TFAP2E: variants seen among roughly 807,000 people sequenced by gnomAD.
TFAP2E encodes transcription factor AP-2-epsilon.
Under a neutral mutation model 37.9 loss-of-function variants are expected in TFAP2E, and 30 were observed. The observed-to-expected ratio is 0.79, with a 90% confidence interval of 0.59 to 1.07. The LOEUF is 1.07. Among genes scored for constraint, TFAP2E ranks in the 50% least tolerant of loss-of-function variants. The pLI is 0.00. For synonymous variants in TFAP2E, 318 were observed against 295.8 expected (o/e 1.08, Z -0.77); for missense variants, 567 against 637.9 (o/e 0.89, Z 1.20).
At position 35,594,920 on chromosome 1, in the gene TFAP2E, T is replaced by C. The variant is rs1649789011; in HGVS notation, c.*244T>C. ...ATGTGTGCAATTTTCTGACCTTTGA[T>C]GGTTGAGAAGGGTTTGGACAGAAAA... On this transcript the variant is annotated 3_prime_UTR_variant, in exon 7 of 7. Coordinates refer to ENST00000373235, the MANE Select transcript of TFAP2E (RefSeq NM_178548.4). 3 of 575,922 alleles carry C rather than the reference T, an allele frequency of 5.2e-6. No individual in the cohort carries two copies. Among genetic ancestry groups the C allele is most frequent in the South Asian group, 2.3e-5 (1 of 44,082 alleles). 35.7% of individuals were successfully genotyped at this position (575,922 alleles called of 1,614,324 possible).
chr1:35,573,440 A>AGCC lies in TFAP2E; in HGVS notation c.-138_-137insGCC. 1 of 1,197,312 alleles carries AGCC rather than the reference A, an allele frequency of 8.4e-7. No homozygotes were observed. The highest frequency in any genetic ancestry group is 1.1e-6 in the Non-Finnish European group (1 of 913,886). 74.2% of individuals were successfully genotyped at this position (1,197,312 alleles called of 1,614,324 possible). A position where few individuals can be genotyped will look rare whatever the true frequency, so the allele number is the denominator to read the frequency against. ...CGCTGAGGACCCCACGCCCACTAGG[A>AGCC]TCCCGGCTGGGTCGCACCCAGCTAC... On this transcript the variant is annotated 5_prime_UTR_variant, in exon 1 of 7. Coordinates refer to ENST00000373235, the MANE Select transcript of TFAP2E (RefSeq NM_178548.4). This position sits in a 1 kb window ranked among gnomAD's most constrained non-coding sequence, Gnocchi z 5.9.
At position 35,573,662 on chromosome 1, in the gene TFAP2E, G is replaced by A. The variant is rs921719692; in HGVS notation, c.27+58G>A. On this transcript the variant is annotated intron_variant, in intron 1 of 6. Transcript: ENST00000373235. This position sits in a 1 kb window ranked among gnomAD's most constrained non-coding sequence, Gnocchi z 5.9. ...CGGGGGATCGGGGCGCCTGAGTGCT[G>A]GACTTTCCAACCCTCCTGTCCCGCG... is the stretch of plus-strand genomic sequence containing the variant. The A allele has an allele frequency of 6.5e-7, 1 of 1,532,608 alleles. No homozygotes were observed. Among genetic ancestry groups the A allele is most frequent in the Non-Finnish European group, 8.8e-7 (1 of 1,139,976 alleles). 94.9% of individuals were successfully genotyped at this position (1,532,608 alleles called of 1,614,324 possible). A position where few individuals can be genotyped will look rare whatever the true frequency, so the allele number is the denominator to read the frequency against.
intron 3 of TFAP2E, among the ~76,000 whole-genome samples, chr1:35,587,779 C>T (rs999975389): frequency 1.3e-5 from 2 of 151,952 alleles, no homozygotes; most frequent in African/African-American, 4.8e-5. Context: ...TTAGCATTCG[C>T]AGAGTGACTT....
downstream of TFAP2E, chr1:35,595,366 T>C (rs1649800468): frequency 6.6e-6 from 1 of 152,292 alleles, no homozygotes. Flanking sequence ...GAGTTGGGGA[T>C]TCATTTCACT....
chr1:35,593,867 G>A (rs965343085), intron 6 of TFAP2E, among the ~76,000 whole-genome samples: 4 of 152,228 alleles, frequency 2.6e-5, no homozygotes, highest in Non-Finnish European at 2.9e-5. Context: ...CAACCTGTCC[G>A]AAACCAGTTT....
Position 35,574,271 on chromosome 1 carries a change from G to A in TFAP2E, c.372G>A (p.Leu124=), listed in dbSNP as rs1309103921. The change falls in exon 2 of 7, where the codon CTG becomes CTA. Residue 124 remains leucine, a synonymous_variant. Transcript: ENST00000373235. ...PGLLAPPARA[L]GLDPRRDYAT... Reference sequence around the variant, plus strand: ...TGCTGGCACCGCCCGCCCGCGCCCTGGGCCTTGACCCGCGCCGTGACTATG... The same window carrying A: ...TGCTGGCACCGCCCGCCCGCGCCCTAGGCCTTGACCCGCGCCGTGACTATG... 7.2e-6 allele frequency: 10 copies of A among 1,387,996 alleles called. No homozygotes were observed. The Admixed American group carries it at 2.6e-4, about 36-fold the overall frequency. 86.0% of individuals were successfully genotyped at this position (1,387,996 alleles called of 1,614,324 possible).
chr1:35,582,911 C>A lies in TFAP2E; in HGVS notation c.563-5419C>A, dbSNP rs190899212. Among the ~76,000 whole-genome samples, 124 of 147,728 alleles carry A rather than the reference C, an allele frequency of 8.4e-4. No individual in the cohort carries two copies. The Middle Eastern group carries it at 0.021, about 25-fold the overall frequency. Reference sequence around the variant, plus strand: ...CATCATTTTCTTTCTTTCTTTCTTTCTTTTTTTTTTGAGACCAGTCTCACT... The same window carrying A: ...CATCATTTTCTTTCTTTCTTTCTTTATTTTTTTTTTGAGACCAGTCTCACT... On this transcript the variant is annotated intron_variant, in intron 3 of 6. Coordinates refer to ENST00000373235, the MANE Select transcript of TFAP2E (RefSeq NM_178548.4).
chr1:35,587,898 T>G (rs1649530654), intron 3 of TFAP2E, among the ~76,000 whole-genome samples: 1 of 151,140 alleles, frequency 6.6e-6, no homozygotes, highest in Admixed American at 6.6e-5. Context: ...AGGGGTGAGG[T>G]GGGGTGGGAG....
chr1:35,581,041 C>G (rs1649337519), intron 3 of TFAP2E, among the ~76,000 whole-genome samples: 1 of 152,194 alleles, frequency 6.6e-6, no homozygotes, highest in Admixed American at 6.5e-5. Flanking sequence ...CACCCCAAGC[C>G]TTAGGCCACC....
rs1374995360 is a variant in TFAP2E at position 35,588,328 on chromosome 1, A to C, written c.563-2A>C. 1.2e-6 allele frequency: 2 copies of C among 1,608,940 alleles called. No homozygotes were observed. On this transcript the variant is annotated splice_acceptor_variant, in intron 3 of 6. Coordinates refer to ENST00000373235, the MANE Select transcript of TFAP2E (RefSeq NM_178548.4). LOFTEE classifies it high-confidence loss of function. The surrounding 1 kb of genome is among the most constrained non-coding windows in gnomAD (Gnocchi z 5.1). ...GGCTCAGCGTTTCCCTCTTCTCCAC[A>C]GTGCCCATCCCCTCCAAAGCCAGCA...
chr1:35,574,043 C>G lies in TFAP2E; in HGVS notation c.144C>G (p.Ala48=), dbSNP rs997223030. The G allele has an allele frequency of 6.1e-6, 9 of 1,485,348 alleles. No individual in the cohort carries two copies. In the South Asian group the frequency reaches 6.2e-5, roughly 10 times the overall value. 92.0% of individuals were successfully genotyped at this position (1,485,348 alleles called of 1,614,324 possible). A position where few individuals can be genotyped will look rare whatever the true frequency, so the allele number is the denominator to read the frequency against. Residue 48 remains alanine (A), a synonymous_variant, in exon 2 of 7, where the codon GCC becomes GCG. Coordinates refer to ENST00000373235, the MANE Select transcript of TFAP2E (RefSeq NM_178548.4). ...ACACGCCGGCCGCCACAGCTGCCGC[C>G]GAATTCCAGCCGCCCTACTTCCCGC... ...LCHTPAATAA[A]EFQPPYFPPP... is the part of the protein sequence containing the mutation.
In TFAP2E at chr1:35,574,178, G is replaced by T. The variant is rs761904609; in HGVS notation, c.279G>T (p.Pro93=). 7.1e-7 allele frequency: 1 copy of T among 1,400,476 alleles called. No homozygotes were observed. The highest frequency in any genetic ancestry group is 1.3e-5 in the South Asian group (1 of 75,242). 86.8% of individuals were successfully genotyped at this position (1,400,476 alleles called of 1,614,324 possible). A position where few individuals can be genotyped will look rare whatever the true frequency, so the allele number is the denominator to read the frequency against. ...PYGGLAPLAQ[P]QPPQAAWAAP... is the part of the protein sequence containing the mutation. ...GCGGCCTGGCGCCCCTGGCGCAGCC[G>T]CAGCCTCCTCAGGCCGCCTGGGCCG... is the stretch of plus-strand genomic sequence containing the variant. Residue 93 remains proline (P), a synonymous_variant, in exon 2 of 7, where the codon CCG becomes CCT. Coordinates refer to ENST00000373235, the MANE Select transcript of TFAP2E (RefSeq NM_178548.4).
intron 6 of TFAP2E, among the ~76,000 whole-genome samples, chr1:35,592,595 G>A (rs1280487874): frequency 1.3e-5 from 2 of 152,106 alleles, no homozygotes; most frequent in African/African-American, 2.4e-5. Context: ...GTTTCACCAT[G>A]TTGGCCAGGC....
Position 35,574,388 on chromosome 1 carries a change from C to A in TFAP2E, c.489C>A (p.Ala163=). ...TCGGCCTTCCGGGGCTGGCGGCGGCCCCCGGTCTGGAGGACCTGCAGGTGA... is the reference window on the plus strand; with the variant it reads ...TCGGCCTTCCGGGGCTGGCGGCGGCACCCGGTCTGGAGGACCTGCAGGTGA... ...APLGLPGLAA[A]PGLEDLQAMD... The change falls in exon 2 of 7, where the codon GCC becomes GCA. Residue 163 remains alanine, a synonymous_variant. Coordinates refer to ENST00000373235, the MANE Select transcript of TFAP2E (RefSeq NM_178548.4). The A allele has an allele frequency of 1.4e-6, 2 of 1,435,466 alleles. No individual in the cohort carries two copies. Among genetic ancestry groups the A allele is most frequent in the Non-Finnish European group, 9.0e-7 (1 of 1,106,286 alleles). The allele number at this position is 1,435,466 out of a possible 1,614,324, so 88.9% of individuals were successfully genotyped here.
At position 35,573,745 on chromosome 1, in the gene TFAP2E, C is replaced by A; in HGVS notation, c.27+141C>A. ...GACTTCGCCAGCTGAGAACGCGATG[C>A]GCAAGTGACCGCTGTCCCCAGCCTG... On this transcript the variant is annotated intron_variant, in intron 1 of 6. Coordinates refer to ENST00000373235, the MANE Select transcript of TFAP2E (RefSeq NM_178548.4). This position sits in a 1 kb window ranked among gnomAD's most constrained non-coding sequence, Gnocchi z 5.9. The A allele has an allele frequency of 1.4e-6, 2 of 1,396,630 alleles. No individual in the cohort carries two copies. Among genetic ancestry groups the A allele is most frequent in the Non-Finnish European group, 1.9e-6 (2 of 1,059,508 alleles). The allele number at this position is 1,396,630 out of a possible 1,614,324, so 86.5% of individuals were successfully genotyped here.
intron 6 of TFAP2E, among the ~76,000 whole-genome samples, chr1:35,593,486 C>T (rs1649744766): frequency 6.6e-6 from 1 of 152,186 alleles, no homozygotes; most frequent in Admixed American, 6.6e-5. Context: ...GTCCTCCCAC[C>T]TAACACAGTC....
chr1:35,589,125 T>C (rs957224245), intron 4 of TFAP2E, among the ~76,000 whole-genome samples: 1 of 152,008 alleles, frequency 6.6e-6, no homozygotes, highest in Non-Finnish European at 1.5e-5. Flanking sequence ...AGCATGTGTT[T>C]CCATGAGTGT....
In TFAP2E at chr1:35,595,154, G is replaced by A. The variant is rs1387553945; in HGVS notation, c.*478G>A. The A allele has an allele frequency of 4.9e-6, 1 of 204,328 alleles. No individual in the cohort carries two copies. Among genetic ancestry groups the A allele is most frequent in the Non-Finnish European group, 9.7e-6 (1 of 102,844 alleles). The allele number at this position is 204,328 out of a possible 1,614,324, so 12.7% of individuals were successfully genotyped here. On this transcript the variant is annotated 3_prime_UTR_variant, in exon 7 of 7. Coordinates refer to ENST00000373235, the MANE Select transcript of TFAP2E (RefSeq NM_178548.4). Reference sequence around the variant, plus strand: ...AGGGGTGCTGGAAGGAGGCCCCAGTGGACTCTTTGTACCCTTCCTACTCTC... The same window carrying A: ...AGGGGTGCTGGAAGGAGGCCCCAGTAGACTCTTTGTACCCTTCCTACTCTC...
rs1649086683 is a variant in TFAP2E at position 35,573,962 on chromosome 1, G to A, written c.63G>A (p.Gly21=). ...RPDGLGAAAG[G]ARLSSLPQAA... ...ACGGGCTGGGAGCAGCTGCCGGCGGGGCCCGCCTGTCGTCTCTGCCCCAGG... is the reference window on the plus strand; with the variant it reads ...ACGGGCTGGGAGCAGCTGCCGGCGGAGCCCGCCTGTCGTCTCTGCCCCAGG... The change falls in exon 2 of 7, where the codon GGG becomes GGA. Residue 21 remains glycine (G), a synonymous_variant. Coordinates refer to ENST00000373235, the MANE Select transcript of TFAP2E (RefSeq NM_178548.4). The surrounding 1 kb of genome is among the most constrained non-coding windows in gnomAD (Gnocchi z 5.9). 6.9e-7 allele frequency: 1 copy of A among 1,449,998 alleles called. No individual in the cohort carries two copies. The highest frequency in any genetic ancestry group is 9.0e-7 in the Non-Finnish European group (1 of 1,114,394). 89.8% of individuals were successfully genotyped at this position (1,449,998 alleles called of 1,614,324 possible).
Sources: gnomAD v4.1 joint callset for allele counts (sites outside exome capture counted in the v4.1 genomes callset) on GRCh38, gnomAD v4.1.1 for gene constraint, Gnocchi (gnomAD v3.1) non-coding constraint, MANE v1.5 for transcripts, NCBI Gene and HGNC (gene_info 2026-07-23, HGNC 2026-07-21) for gene names.